GFRA1: variants seen among roughly 807,000 people sequenced by gnomAD.
GFRA1 encodes GDNF family receptor alpha 1.
GFRA1 carries 16 observed loss-of-function variants against 51.6 expected under a neutral mutation model. The ratio of observed to expected loss-of-function variants is 0.31; its 90% CI spans 0.21 to 0.47. GFRA1 has a LOEUF of 0.47. Among genes scored for constraint, GFRA1 ranks in the 20% least tolerant of loss-of-function variants. The pLI is 1.00. For synonymous variants in GFRA1, 270 were observed against 241.3 expected (o/e 1.12, Z -1.10); for missense variants, 530 against 594.3 (o/e 0.89, Z 1.13).
At position 116,179,049 on chromosome 10, in the gene GFRA1, G is replaced by A. The variant is rs536841179; in HGVS notation, c.433+32582C>T. On this transcript the variant is annotated intron_variant, in intron 5 of 10. Transcript: ENST00000355422. ...TGCGCACGGTGTATGTTCATGCAGAGGAAGTTACACAGCAGAAGCAGAGGC... is the reference window on the plus strand; with the variant it reads ...TGCGCACGGTGTATGTTCATGCAGAAGAAGTTACACAGCAGAAGCAGAGGC... Among the ~76,000 whole-genome samples, 14 of 152,278 alleles carry A rather than the reference G, an allele frequency of 9.2e-5. No homozygotes were observed. The East Asian group carries it at 2.7e-3, about 29-fold the overall frequency.
chr10:116,169,797 G>A (rs566833569), intron 5 of GFRA1, among the ~76,000 whole-genome samples: 24 of 152,116 alleles, frequency 1.6e-4, no homozygotes, highest in Non-Finnish European at 3.1e-4. Context: ...ACTAGACAAG[G>A]ACCCAGGTGC....
In GFRA1 at chr10:116,074,090, T is replaced by A. The variant is rs140822756; in HGVS notation, c.1198-8464A>T. On this transcript the variant is annotated intron_variant, in intron 9 of 10. Coordinates refer to ENST00000355422, the MANE Select transcript of GFRA1 (RefSeq NM_005264.8). The stretch of plus-strand genomic sequence containing the variant: ...ACTGTCACAAATAGCCTTCACCCGA[T>A]GATGATCCCATCTGCCTTTTACCAA... Among the ~76,000 whole-genome samples, 674 of 152,324 alleles carry A rather than the reference T, an allele frequency of 4.4e-3. 5 individuals are homozygous for A. The highest frequency in any genetic ancestry group is 0.016 in the African/African-American group (647 of 41,586).
At chr10:116,271,941 C>A in intron 2 of GFRA1, 49 bp downstream of exon 2, 1 of 1,480,482 alleles carries the variant, frequency 6.8e-7, no homozygotes. Context: ...GCAAGCGACC[C>A]TAGGAAAGAC....
At chr10:116,227,971 A>G (rs1422710250) in intron 4 of GFRA1, among the ~76,000 whole-genome samples, 1 of 152,246 alleles carries the variant, frequency 6.6e-6, no homozygotes, top group Non-Finnish European at 1.5e-5. Flanking sequence ...TGTTTTGGAC[A>G]AAGTGTGCTG....
intron 4 of GFRA1, among the ~76,000 whole-genome samples, chr10:116,256,311 A>G (rs879645973): frequency 5.3e-5 from 8 of 152,040 alleles, no homozygotes; most frequent in Non-Finnish European, 1.0e-4. Context: ...TGGGATCACC[A>G]TGACCTCATC....
intron 4 of GFRA1, among the ~76,000 whole-genome samples, chr10:116,259,507 C>T (rs1029567939): frequency 2.0e-5 from 3 of 152,104 alleles, no homozygotes; most frequent in Admixed American, 1.3e-4. Context: ...TTTAATAGTA[C>T]GCGTGTTCTG....
intron 5 of GFRA1, among the ~76,000 whole-genome samples, chr10:116,132,039 G>A (rs1178845071): frequency 6.6e-6 from 1 of 151,632 alleles, no homozygotes; most frequent in Non-Finnish European, 1.5e-5. Context: ...AGGCACTGTC[G>A]CTACAAAAAT....
rs1843836221 is a variant in GFRA1 at position 116,270,709 on chromosome 10, ACT to A, written c.334+111_334+112del. ...CCCTGGGGGCCAAGGAAAGGTCCTC[ACT>A]CTGCAGCTGGGGAGAAGTGAGTGGA... On this transcript the variant is annotated intron_variant, in intron 3 of 10. Transcript: ENST00000355422. 3 of 856,892 alleles carry A rather than the reference ACT, an allele frequency of 3.5e-6. No homozygotes were observed. In the Admixed American group the frequency reaches 6.0e-5, roughly 17 times the overall value. 53.1% of individuals were successfully genotyped at this position (856,892 alleles called of 1,614,324 possible).
At chr10:116,107,131 G>A (rs1054486718) in intron 6 of GFRA1, among the ~76,000 whole-genome samples, 8 of 152,148 alleles carry the variant, frequency 5.3e-5, no homozygotes, top group African/African-American at 1.7e-4. Flanking sequence ...ATGCAAGAAT[G>A]TCCTAACACA....
At chr10:116,209,897 T>C (rs530643584) in intron 5 of GFRA1, among the ~76,000 whole-genome samples, 13 of 152,234 alleles carry the variant, frequency 8.5e-5, no homozygotes, top group South Asian at 2.1e-4. Context: ...GCCAGAGCCA[T>C]GTAAATAATT....
chr10:116,067,752 T>C (rs1222591678), intron 9 of GFRA1, among the ~76,000 whole-genome samples: 1 of 152,162 alleles, frequency 6.6e-6, no homozygotes, highest in Non-Finnish European at 1.5e-5. Context: ...CTGACCCTCA[T>C]TAGTCACGGA....
Position 116,089,741 on chromosome 10 carries a change from C to G in GFRA1, c.1197G>C (p.Gln399His), listed in dbSNP as rs1956250222. Residue 399 changes from glutamine to histidine, a missense_variant and splice_region_variant, in exon 9 of 11, where the codon CAG becomes CAC. Transcript: ENST00000355422. ...THVLPPCANL[Q>H]AQKLKSNVSG... The stretch of plus-strand genomic sequence containing the variant: ...CAAGGAATCTGGACGCAGTTCTCAC[C>G]TGTAAATTTGCACACGGTGGCAAAA... 1 of 1,613,602 alleles carries G rather than the reference C, an allele frequency of 6.2e-7. No homozygotes were observed.
At chr10:116,213,537 A>C (rs1274138962) in intron 4 of GFRA1, among the ~76,000 whole-genome samples, 1 of 152,198 alleles carries the variant, frequency 6.6e-6, no homozygotes. Context: ...TTAGCAATGA[A>C]CACGCCTTAC....
chr10:116,099,643 G>A (rs1956739424), intron 6 of GFRA1, among the ~76,000 whole-genome samples: 2 of 152,162 alleles, frequency 1.3e-5, no homozygotes, highest in Admixed American at 6.5e-5. Context: ...ATGGTCACAT[G>A]TATTGACACA....
intron 4 of GFRA1, among the ~76,000 whole-genome samples, chr10:116,251,797 C>T (rs962338638): frequency 2.6e-5 from 4 of 151,852 alleles, no homozygotes; most frequent in African/African-American, 9.7e-5. Flanking sequence ...GCCACAGTCA[C>T]CTGGATGGGT....
At chr10:116,155,035 T>C (rs373952314) in intron 5 of GFRA1, among the ~76,000 whole-genome samples, 1 of 152,166 alleles carries the variant, frequency 6.6e-6, no homozygotes, top group African/African-American at 2.4e-5. Context: ...CATATATTAA[T>C]AGTAAAGCAA....
intron 5 of GFRA1, among the ~76,000 whole-genome samples, chr10:116,153,041 T>C (rs1172884121): frequency 1.3e-5 from 2 of 152,186 alleles, no homozygotes; most frequent in African/African-American, 4.8e-5. Flanking sequence ...CATCCATCTA[T>C]CCATCCATCC....
At chr10:116,177,157 C>G (rs1212776567) in intron 5 of GFRA1, among the ~76,000 whole-genome samples, 4 of 152,090 alleles carry the variant, frequency 2.6e-5, no homozygotes, top group Non-Finnish European at 5.9e-5. Context: ...ATCACAGGCT[C>G]TGATAAGAAA....
At chr10:116,274,336 C>T (rs1188184820), upstream of GFRA1, among the ~76,000 whole-genome samples, 1 of 152,196 alleles carries the variant, frequency 6.6e-6, no homozygotes, top group Admixed American at 6.5e-5. Context: ...ATCAAATCTG[C>T]GTGCGCCCAG....
Sources: gnomAD v4.1 joint callset for allele counts (sites outside exome capture counted in the v4.1 genomes callset) on GRCh38, gnomAD v4.1.1 for gene constraint, MANE v1.5 for transcripts, NCBI Gene and HGNC (gene_info 2026-07-23, HGNC 2026-07-21) for gene names.